PACRG: variants seen among roughly 807,000 people sequenced by gnomAD.
The protein encoded by PACRG is parkin coregulated.
Under a neutral mutation model 29.7 loss-of-function variants are expected in PACRG, and 29 were observed. The ratio of observed to expected loss-of-function variants is 0.98; its 90% CI spans 0.73 to 1.33. The LOEUF (loss-of-function observed/expected upper bound fraction) is 1.33, where lower values mean the gene tolerates loss of function less well. Ranked by LOEUF, PACRG falls within the 40% of genes most tolerant of loss-of-function variation. The pLI is 0.00. For synonymous variants in PACRG, 116 were observed against 118.7 expected, an observed-to-expected ratio of 0.98 and a Z score of 0.15; for missense variants, 279 against 316.2, an observed-to-expected ratio of 0.88 and a Z score of 0.89.
intron 2 of PACRG, among the ~76,000 whole-genome samples, chr6:162,940,641 G>A (rs1303362610): frequency 1.3e-5 from 2 of 152,112 alleles, no homozygotes; most frequent in Admixed American, 6.6e-5. Flanking sequence ...AAGCTCTCCC[G>A]CTCTGCTCCG....
chr6:162,849,871 A>G (rs1177421693), intron 2 of PACRG, among the ~76,000 whole-genome samples: 1 of 152,248 alleles, frequency 6.6e-6, no homozygotes, highest in Non-Finnish European at 1.5e-5. Context: ...AATGCTCAGC[A>G]GATTCTGACA....
At chr6:162,958,618 G>T (rs1356967807) in intron 2 of PACRG, among the ~76,000 whole-genome samples, 1 of 151,636 alleles carries the variant, frequency 6.6e-6, no homozygotes. Context: ...TTTATAATAT[G>T]TTGGACATTG....
Position 162,747,827 on chromosome 6 carries a change from C to T in PACRG, c.156+19436C>T, listed in dbSNP as rs562062615. ...AGAGTATTAGTAATGGGAGACGGGGCTCAGGAAATGTAGAGATTCATCTTA... is the reference window on the plus strand; with the variant it reads ...AGAGTATTAGTAATGGGAGACGGGGTTCAGGAAATGTAGAGATTCATCTTA... On this transcript the variant is annotated intron_variant, in intron 1 of 4. Coordinates refer to ENST00000366888, the MANE Select transcript of PACRG (RefSeq NM_001080379.2). 1.8e-4 allele frequency among the ~76,000 whole-genome samples: 28 copies of T among 152,030 alleles called. No homozygotes were observed. In the South Asian group the frequency reaches 5.6e-3, roughly 31 times the overall value.
intron 2 of PACRG, among the ~76,000 whole-genome samples, chr6:162,856,593 GA>G (rs10708507): frequency 0.51 from 77,379 of 151,788 alleles, 20,515 homozygotes; most frequent in African/African-American, 0.6. Context: ...ACGTCTCGAA[GA>G]AAAAAATCTC....
At chr6:163,246,261 G>A (rs572195842) in intron 4 of PACRG, among the ~76,000 whole-genome samples, 1 of 152,196 alleles carries the variant, frequency 6.6e-6, no homozygotes, top group Non-Finnish European at 1.5e-5. Flanking sequence ...ATATTCTCCA[G>A]TTGCATCAGA....
chr6:162,968,842 T>C (rs1801271791), intron 2 of PACRG, among the ~76,000 whole-genome samples: 1 of 151,244 alleles, frequency 6.6e-6, no homozygotes, highest in African/African-American at 2.4e-5. Context: ...AGGTCAGGAG[T>C]ACGAGATCAG....
chr6:163,098,056 C>A (rs1814760816), intron 4 of PACRG, among the ~76,000 whole-genome samples: 1 of 152,078 alleles, frequency 6.6e-6, no homozygotes, highest in African/African-American at 2.4e-5. Flanking sequence ...TGAGGTTATG[C>A]TAGAGTCAGG....
At chr6:163,189,832 C>G (rs545814831) in intron 4 of PACRG, 1 of 152,218 alleles carries the variant, frequency 6.6e-6, no homozygotes, top group Admixed American at 6.5e-5. Flanking sequence ...TTCACTGTCC[C>G]GGGCTTATGT....
chr6:163,010,640 G>A (rs1207419634), intron 2 of PACRG, among the ~76,000 whole-genome samples: 1 of 152,160 alleles, frequency 6.6e-6, no homozygotes, highest in Non-Finnish European at 1.5e-5. Context: ...GTCTTGCTAT[G>A]TTTTATCTTC....
rs146376200 is a variant in PACRG at position 162,987,478 on chromosome 6, G to A, written c.292-74672G>A. On this transcript the variant is annotated intron_variant, in intron 2 of 4. Transcript: ENST00000366888. ...GGGAGGGAGGTAATTGAATCACGGG[G>A]GTGGGTTTTTCCCATGCTGTTCTCA... is the stretch of plus-strand genomic sequence containing the variant. Among the ~76,000 whole-genome samples the A allele has an allele frequency of 8.6e-4, 131 of 152,144 alleles. 1 individual carries two copies. The East Asian group carries it at 0.02, about 24-fold the overall frequency.
At chr6:163,111,675 G>A (rs1402518632) in intron 4 of PACRG, among the ~76,000 whole-genome samples, 1 of 152,170 alleles carries the variant, frequency 6.6e-6, no homozygotes, top group African/African-American at 2.4e-5. Flanking sequence ...CATTGTTATA[G>A]AACATGCCTG....
At chr6:163,011,025 A>G (rs997276349) in intron 2 of PACRG, among the ~76,000 whole-genome samples, 6 of 152,162 alleles carry the variant, frequency 3.9e-5, no homozygotes, top group Non-Finnish European at 7.4e-5. Flanking sequence ...TCTCAGGTGG[A>G]AAAGGGAGAA....
intron 2 of PACRG, among the ~76,000 whole-genome samples, chr6:162,909,158 C>T (rs1796132256): frequency 2.0e-5 from 3 of 152,190 alleles, no homozygotes; most frequent in Admixed American, 2.0e-4. Context: ...CTTTCAGGTA[C>T]TACTTTCCAC....
At chr6:162,928,459 G>T (rs947746996) in intron 2 of PACRG, among the ~76,000 whole-genome samples, 1 of 151,592 alleles carries the variant, frequency 6.6e-6, no homozygotes, top group African/African-American at 2.4e-5. Context: ...ATTCTCCAAA[G>T]AAACTATTTT....
chr6:163,184,637 A>G (rs1423775636), intron 4 of PACRG, among the ~76,000 whole-genome samples: 1 of 152,216 alleles, frequency 6.6e-6, no homozygotes, highest in Non-Finnish European at 1.5e-5. Context: ...TACAGGTGCT[A>G]TGAGCTCCTA....
rs562171862 is a variant in PACRG, at chr6:162,921,156, A to G, written c.291+106875A>G. On this transcript the variant is annotated intron_variant, in intron 2 of 4. Coordinates refer to ENST00000366888, the MANE Select transcript of PACRG (RefSeq NM_001080379.2). ...ACAAAATATTGCTTGAGAAACTTAG[A>G]AAATTTTTTTAACTTTGCAGCTAAA... Among the ~76,000 whole-genome samples, 129 of 152,286 alleles carry G rather than the reference A, an allele frequency of 8.5e-4. 4 individuals carry two copies. The South Asian group carries it at 0.026, about 31-fold the overall frequency.
At chr6:163,171,389 C>T (rs1048540013) in intron 4 of PACRG, among the ~76,000 whole-genome samples, 5 of 152,156 alleles carry the variant, frequency 3.3e-5, no homozygotes, top group East Asian at 1.9e-4. Flanking sequence ...TCCACTAAGC[C>T]GTTTATCTGC....
intron 2 of PACRG, among the ~76,000 whole-genome samples, chr6:163,022,199 C>T (rs1212211111): frequency 6.6e-6 from 1 of 152,148 alleles, no homozygotes; most frequent in Non-Finnish European, 1.5e-5. Flanking sequence ...TATTGAGCAC[C>T]TACTATGTGC....
intron 3 of PACRG, among the ~76,000 whole-genome samples, chr6:163,084,237 A>G (rs1445438186): frequency 6.6e-6 from 1 of 152,182 alleles, no homozygotes; most frequent in Non-Finnish European, 1.5e-5. Flanking sequence ...AGGCCCATCA[A>G]CAAAAGAATA....
Sources: allele counts gnomAD v4.1 joint callset (sites outside exome capture counted in the v4.1 genomes callset), GRCh38; gene constraint gnomAD v4.1.1; transcripts MANE v1.5; gene names NCBI Gene and HGNC (gene_info 2026-07-23, HGNC 2026-07-21).